PARP2: variants seen among roughly 807,000 people sequenced by gnomAD.
The protein encoded by PARP2 is poly(ADP-ribose) polymerase 2, also known as poly [ADP-ribose] polymerase 2.
A neutral mutation model predicts 77.8 loss-of-function variants in PARP2; 57 were observed. The ratio of observed to expected loss-of-function variants is 0.73; its 90% CI spans 0.59 to 0.91. PARP2 has a LOEUF of 0.91. Ranked by LOEUF, PARP2 falls within the 40% of genes least tolerant of loss-of-function variation. The pLI, the probability that PARP2 is intolerant of heterozygous loss-of-function variation, is 0.00. For missense variants in PARP2, 651 were observed against 689.0 expected (o/e 0.94, Z 0.62); for synonymous variants, 226 against 242.6 (o/e 0.93, Z 0.64).
At position 20,354,338 on chromosome 14, in the gene PARP2, T is replaced by C. The variant is rs1884066116; in HGVS notation, c.763+91T>C. On this transcript the variant is annotated intron_variant, in intron 8 of 15. Coordinates refer to ENST00000429687, the MANE Select transcript of PARP2 (RefSeq NM_001042618.2). ...ATTATCATTATGATTTAAAGCTTGC[T>C]CATAGTACTGAATGAAGAAAATGGG... 5.6e-6 allele frequency: 6 copies of C among 1,075,340 alleles called. No individual in the cohort carries two copies. In the East Asian group the frequency reaches 1.5e-4, roughly 26 times the overall value. The allele number at this position is 1,075,340 out of a possible 1,614,324, so 66.6% of individuals were successfully genotyped here. A position where few individuals can be genotyped will look rare whatever the true frequency, so the allele number is the denominator to read the frequency against.
At chr14:20,346,790 A>C (rs1352474097) in intron 3 of PARP2, 73 bp from the exon 4 acceptor site, 3 of 982,206 alleles carry the variant, frequency 3.1e-6, no homozygotes, top group Non-Finnish European at 4.8e-6. Flanking sequence ...CCATAAGAAA[A>C]TTTAGAGCCT....
intron 4 of PARP2, among the ~76,000 whole-genome samples, chr14:20,348,562 T>C (rs1883849863): frequency 6.6e-6 from 1 of 152,224 alleles, no homozygotes; most frequent in South Asian, 2.1e-4. Flanking sequence ...TTCTCTTGTT[T>C]ACCTTTGTGG....
In PARP2 at chr14:20,356,840, C is replaced by G. The variant is rs1453290631; in HGVS notation, c.1329+151C>G. The G allele has an allele frequency of 8.4e-6, 6 of 712,992 alleles. No individual in the cohort carries two copies. In the Admixed American group the frequency reaches 1.5e-4, roughly 18 times the overall value. 44.2% of individuals were successfully genotyped at this position (712,992 alleles called of 1,614,324 possible). A position where few individuals can be genotyped will look rare whatever the true frequency, so the allele number is the denominator to read the frequency against. On this transcript the variant is annotated intron_variant, in intron 13 of 15. Coordinates refer to ENST00000429687, the MANE Select transcript of PARP2 (RefSeq NM_001042618.2). ...CCTTGTCATCTCTTACTGTGTCCCT[C>G]TTTCTTTAAATTCCTAAAGATACCT...
intron 4 of PARP2, among the ~76,000 whole-genome samples, chr14:20,347,400 T>TATA (rs1883804737): frequency 1.1e-4 from 1 of 8,898 alleles, no homozygotes; most frequent in Non-Finnish European, 2.4e-4. Context: ...ATATATATAT[T>TATA]TTTTTTTTTT....
chr14:20,345,527 G>A, intron 3 of PARP2, 63 bp downstream of exon 3: 1 of 1,232,600 alleles, frequency 8.1e-7, no homozygotes, highest in Non-Finnish European at 1.2e-6. Flanking sequence ...TTTGTTATAA[G>A]GACTCCTGTC....
chr14:20,355,711 C>T, intron 9 of PARP2, 41 bp from the exon 10 acceptor site: 1 of 1,521,950 alleles, frequency 6.6e-7, no homozygotes, highest in Non-Finnish European at 9.1e-7. Context: ...CTTTTAGCCA[C>T]ATGTCAGAAA....
chr14:20,347,561 G>A (rs1299062336), intron 4 of PARP2, among the ~76,000 whole-genome samples: 5 of 148,888 alleles, frequency 3.4e-5, no homozygotes, highest in Admixed American at 2.0e-4. Context: ...GACTACAGGT[G>A]CAGTGTCTGG....
intron 4 of PARP2, among the ~76,000 whole-genome samples, chr14:20,348,650 T>C (rs1883852150): frequency 6.6e-6 from 1 of 152,248 alleles, no homozygotes; most frequent in Non-Finnish European, 1.5e-5. Context: ...TGATCCAACA[T>C]ATATAATTTT....
rs1883682309 is a variant in PARP2, at chr14:20,345,458, G to A, written c.267G>A (p.Val89=). The A allele has an allele frequency of 6.2e-7, 1 of 1,612,792 alleles. No homozygotes were observed. Among genetic ancestry groups the A allele is most frequent in the Non-Finnish European group, 8.5e-7 (1 of 1,178,850 alleles). The change falls in exon 3 of 16, where the codon GTG becomes GTA. Residue 89 remains valine (V), a synonymous_variant. Coordinates refer to ENST00000429687, the MANE Select transcript of PARP2 (RefSeq NM_001042618.2). ...TGGACCCAGAGTGTACAGCCAAGGT[G>A]GGGAAGGTAAGAGACTCTGGAACCG... is the stretch of plus-strand genomic sequence containing the variant. ...APVDPECTAK[V]GKAHVYCEGN... is the part of the protein sequence containing the mutation.
intron 4 of PARP2, among the ~76,000 whole-genome samples, chr14:20,350,189 G>C (rs1315840735): frequency 6.6e-6 from 1 of 152,174 alleles, no homozygotes; most frequent in Admixed American, 6.5e-5. Flanking sequence ...GGAGTGGATT[G>C]GGAGCTGGAA....
chr14:20,347,352 G>GTGTGTGTA lies in PARP2; in HGVS notation c.324+444_324+445insGTATGTGT, dbSNP rs1340455922. 3.8e-3 allele frequency among the ~76,000 whole-genome samples: 199 copies of GTGTGTGTA among 51,792 alleles called. 1 individual carries two copies. The highest frequency in any genetic ancestry group is 5.3e-3 in the Non-Finnish European group (160 of 29,944). The allele number at this position is 51,792 out of a possible 152,430, so 34.0% of individuals were successfully genotyped here. The stretch of plus-strand genomic sequence containing the variant: ...CTTGCCTAAAGTCCTTCATATGTGT[G>GTGTGTGTA]TGTGTATATATATATATATATATAT... On this transcript the variant is annotated intron_variant, in intron 4 of 15. Coordinates refer to ENST00000429687, the MANE Select transcript of PARP2 (RefSeq NM_001042618.2).
chr14:20,356,362 T>C lies in PARP2; in HGVS notation c.1157T>C (p.Met386Thr), dbSNP rs748826747. Residue 386 changes from methionine to threonine, a missense_variant, in exon 12 of 16, where the codon ATG becomes ACG. Met to Thr is a moderately conservative substitution (Grantham distance 81). Transcript: ENST00000429687. ...GCTCCCACACACAGCGACTATACCA[T>C]GACCTTGCTGGATTTGTTTGAAGTG... Reference protein sequence around the residue: ...THAPTHSDYTMTLLDLFEVEK... With the variant: ...THAPTHSDYTTTLLDLFEVEK... 1.3e-5 allele frequency: 21 copies of C among 1,613,804 alleles called. No homozygotes were observed. Among genetic ancestry groups the C allele is most frequent in the Non-Finnish European group, 1.7e-5 (20 of 1,179,794 alleles).
intron 4 of PARP2, among the ~76,000 whole-genome samples, chr14:20,348,226 CTT>C: frequency 6.6e-6 from 1 of 152,168 alleles, no homozygotes; most frequent in South Asian, 2.1e-4. Flanking sequence ...TTTCGAGGAA[CTT>C]TATATAATAT....
chr14:20,348,503 G>A (rs906122961), intron 4 of PARP2, among the ~76,000 whole-genome samples: 4 of 151,688 alleles, frequency 2.6e-5, no homozygotes, highest in Non-Finnish European at 5.9e-5. Context: ...AAGTAGCTGG[G>A]ACTACAGGCA....
intron 9 of PARP2, chr14:20,355,226 TCA>T (rs1884102141): frequency 2.1e-5 from 6 of 292,188 alleles, no homozygotes; most frequent in Middle Eastern, 9.9e-4. Flanking sequence ...TAAAACACCT[TCA>T]GGCATATCAC....
rs3093925 is a variant in PARP2, at chr14:20,354,859, A to G, written c.814A>G (p.Ile272Val). 1.4e-5 allele frequency: 23 copies of G among 1,614,014 alleles called. No individual in the cohort carries two copies. In the East Asian group the frequency reaches 5.1e-4, roughly 36 times the overall value. The stretch of plus-strand genomic sequence containing the variant: ...GGCAGGTTACCAGTCTCTTAAGAAG[A>G]TTGAGGATTGTATTCGGGCTGGCCA... The part of the protein sequence containing the change: ...IKAGYQSLKK[I>V]EDCIRAGQHG... The change falls in exon 9 of 16, where the codon ATT becomes GTT. Residue 272 changes from isoleucine to valine, a missense_variant. Coordinates refer to ENST00000429687, the MANE Select transcript of PARP2 (RefSeq NM_001042618.2).
intron 7 of PARP2, among the ~76,000 whole-genome samples, chr14:20,353,620 T>G (rs3093919): frequency 0.022 from 3,351 of 152,294 alleles, 118 homozygotes; most frequent in African/African-American, 0.076. Context: ...TTAAATTTGT[T>G]TTCACTTCTG....
At chr14:20,355,170 G>A (rs1206234395) in intron 9 of PARP2, 4 of 446,998 alleles carry the variant, frequency 8.9e-6, no homozygotes, top group Admixed American at 4.0e-5. Context: ...CAAAGTGGAA[G>A]TTACCAACCC....
At chr14:20,357,187 A>G (rs1261178780) in intron 14 of PARP2, 38 bp downstream of exon 14, 1 of 1,487,936 alleles carries the variant, frequency 6.7e-7, no homozygotes, top group Non-Finnish European at 9.4e-7. Context: ...TAGTTTATTA[A>G]TTCCAGTTTT....
Sources: gnomAD v4.1 joint callset for allele counts (sites outside exome capture counted in the v4.1 genomes callset) on GRCh38, gnomAD v4.1.1 for gene constraint, MANE v1.5 for transcripts, NCBI Gene and HGNC (gene_info 2026-07-23, HGNC 2026-07-21) for gene names.